CCDC60: variants seen among roughly 807,000 people sequenced by gnomAD.
The protein encoded by CCDC60 is coiled-coil domain-containing protein 60.
CCDC60 carries 54 observed loss-of-function variants against 63.5 expected under a neutral mutation model. That is an observed-to-expected ratio of 0.85 (90% CI 0.68 to 1.07). The LOEUF (loss-of-function observed/expected upper bound fraction) is 1.07. Among genes scored for constraint, CCDC60 ranks in the 50% least tolerant of loss-of-function variants. CCDC60 has a pLI of 0.00. For synonymous variants in CCDC60, 206 were observed against 238.8 expected, an observed-to-expected ratio of 0.86 and a Z score of 1.27; for missense variants, 651 against 684.3, an observed-to-expected ratio of 0.95 and a Z score of 0.54.
intron 9 of CCDC60, 30 bp downstream of exon 9, chr12:119,520,222 C>G: frequency 1.3e-6 from 2 of 1,593,380 alleles, no homozygotes; most frequent in Non-Finnish European, 1.7e-6. Context: ...GCAGCAGGTG[C>G]CTCCGAAGGC....
chr12:119,539,937 G>T (rs1425696240), intron 13 of CCDC60, among the ~76,000 whole-genome samples: 2 of 152,164 alleles, frequency 1.3e-5, no homozygotes, highest in Admixed American at 1.3e-4. Flanking sequence ...CTAGGGGAGA[G>T]AATTATCTGA....
chr12:119,338,358 A>T (rs1342532765), intron 1 of CCDC60, among the ~76,000 whole-genome samples: 2 of 152,174 alleles, frequency 1.3e-5, no homozygotes, highest in East Asian at 3.9e-4. Context: ...TTGAGTATGC[A>T]TGCATCATGT....
intron 1 of CCDC60, among the ~76,000 whole-genome samples, chr12:119,351,221 T>A (rs1039196059): frequency 7.2e-5 from 11 of 152,150 alleles, no homozygotes; most frequent in African/African-American, 2.7e-4. Context: ...CCCTTTCCAC[T>A]CTCTAGTTTT....
rs374779686 is a variant in CCDC60, at chr12:119,374,643, G to A, written c.90+39377G>A. Reference sequence around the variant, plus strand: ...GTAAAGTGAAACCAAGTTTATTAGAGAAGTAAAGAAACAAAAGAATGGCTA... The same window carrying A: ...GTAAAGTGAAACCAAGTTTATTAGAAAAGTAAAGAAACAAAAGAATGGCTA... On this transcript the variant is annotated intron_variant, in intron 1 of 13. Coordinates refer to ENST00000327554, the MANE Select transcript of CCDC60 (RefSeq NM_178499.5). 4.4e-4 allele frequency among the ~76,000 whole-genome samples: 67 copies of A among 152,164 alleles called. No homozygotes were observed. In the East Asian group the frequency reaches 8.9e-3, roughly 20 times the overall value.
intron 6 of CCDC60, among the ~76,000 whole-genome samples, chr12:119,504,350 CTG>C (rs1213799935): frequency 2.6e-5 from 4 of 152,134 alleles, no homozygotes; most frequent in Non-Finnish European, 1.5e-5. Context: ...CACAGACAGT[CTG>C]TGTGTACTCT....
intron 2 of CCDC60, among the ~76,000 whole-genome samples, chr12:119,450,852 A>T (rs1057016256): frequency 9.3e-5 from 10 of 106,992 alleles, no homozygotes; most frequent in African/African-American, 2.8e-4. Flanking sequence ...GCAAGACTCC[A>T]TCTCAAAAAA....
chr12:119,451,416 C>A (rs1388874255), intron 2 of CCDC60, among the ~76,000 whole-genome samples: 1 of 151,174 alleles, frequency 6.6e-6, no homozygotes, highest in Non-Finnish European at 1.5e-5. Context: ...AACCCCTGCA[C>A]CATTATTGTC....
intron 2 of CCDC60, among the ~76,000 whole-genome samples, chr12:119,466,085 A>G (rs1275209891): frequency 6.6e-6 from 1 of 152,184 alleles, no homozygotes; most frequent in African/African-American, 2.4e-5. Context: ...TCTTCCCCCA[A>G]CAAGTATCTG....
chr12:119,403,508 G>A (rs1956432010), intron 1 of CCDC60, among the ~76,000 whole-genome samples: 1 of 152,108 alleles, frequency 6.6e-6, no homozygotes, highest in Admixed American at 6.5e-5. Flanking sequence ...CATAACATTG[G>A]GCTTTAATCA....
At chr12:119,407,766 G>C (rs994545158) in intron 1 of CCDC60, among the ~76,000 whole-genome samples, 4 of 151,934 alleles carry the variant, frequency 2.6e-5, no homozygotes, top group Non-Finnish European at 1.5e-5. Context: ...CCATAAAATG[G>C]GCACTCCAGA....
At chr12:119,527,664 TTC>T (rs1260801491) in intron 11 of CCDC60, among the ~76,000 whole-genome samples, 17 of 116,824 alleles carry the variant, frequency 1.5e-4, no homozygotes, top group Middle Eastern at 3.9e-3. Flanking sequence ...CTTTCTTTCT[TTC>T]TTTTTTTTTT....
intron 1 of CCDC60, among the ~76,000 whole-genome samples, chr12:119,407,093 G>T (rs78284796): frequency 4.6e-5 from 7 of 152,158 alleles, no homozygotes; most frequent in Admixed American, 4.6e-4. Flanking sequence ...AGGGCCATAG[G>T]GGGGTATATT....
rs942070538 is a variant in CCDC60, at chr12:119,420,682, A to T, written c.91-8001A>T. 6.6e-6 allele frequency among the ~76,000 whole-genome samples: 1 copy of T among 152,198 alleles called. No individual in the cohort carries two copies. Among genetic ancestry groups the T allele is most frequent in the Non-Finnish European group, 1.5e-5 (1 of 68,038 alleles). ...CACAACAGGTTGACTATAGTCAATAATAACTCACTTTTTAAATGACTAAGA... is the reference window on the plus strand; with the variant it reads ...CACAACAGGTTGACTATAGTCAATATTAACTCACTTTTTAAATGACTAAGA... On this transcript the variant is annotated intron_variant, in intron 1 of 13. Coordinates refer to ENST00000327554, the MANE Select transcript of CCDC60 (RefSeq NM_178499.5). The surrounding 1 kb of genome is among the most constrained non-coding windows in gnomAD (Gnocchi z 4.1).
chr12:119,344,836 T>TTCTCTC lies in CCDC60; in HGVS notation c.90+9585_90+9590dup, dbSNP rs796680771. ...GAACATTCTCTCTCTCTCTCTCTCT[T>TTCTCTC]TCTCTCTCTCTCTCTCTCTCACACA... On this transcript the variant is annotated intron_variant, in intron 1 of 13. Coordinates refer to ENST00000327554, the MANE Select transcript of CCDC60 (RefSeq NM_178499.5). Among the ~76,000 whole-genome samples the TTCTCTC allele has an allele frequency of 3.3e-3, 351 of 107,914 alleles. 1 individual carries two copies. Among genetic ancestry groups the TTCTCTC allele is most frequent in the African/African-American group, 0.012 (328 of 28,290 alleles). 70.8% of individuals were successfully genotyped at this position (107,914 alleles called of 152,430 possible).
chr12:119,396,880 AG>A (rs1956265176), intron 1 of CCDC60, among the ~76,000 whole-genome samples: 1 of 152,214 alleles, frequency 6.6e-6, no homozygotes, highest in Non-Finnish European at 1.5e-5. Flanking sequence ...GCTGACTTCA[AG>A]AATGAAGTCA....
chr12:119,431,689 T>TTTG (rs1950231562), intron 2 of CCDC60, among the ~76,000 whole-genome samples: 1 of 145,018 alleles, frequency 6.9e-6, no homozygotes, highest in African/African-American at 2.5e-5. Flanking sequence ...TTGTTTGTTT[T>TTTG]TTGTTTTGAG....
At chr12:119,474,295 C>T (rs1445591313) in intron 3 of CCDC60, among the ~76,000 whole-genome samples, 1 of 152,238 alleles carries the variant, frequency 6.6e-6, no homozygotes, top group Non-Finnish European at 1.5e-5. Context: ...GGAATCCAAA[C>T]TGCCAGGTCA....
intron 5 of CCDC60, among the ~76,000 whole-genome samples, chr12:119,499,216 T>G (rs185797311): frequency 7.7e-4 from 117 of 152,292 alleles, no homozygotes; most frequent in African/African-American, 2.7e-3. Context: ...GAATTATGGG[T>G]GTGTCACCAA....
intron 11 of CCDC60, chr12:119,524,404 A>G (rs1952622343): frequency 1.0e-6 from 1 of 981,752 alleles, no homozygotes; most frequent in Admixed American, 6.2e-5. Flanking sequence ...TTACTCCTTG[A>G]CTCCAGAGAC....
Sources: allele counts gnomAD v4.1 joint callset (sites outside exome capture counted in the v4.1 genomes callset), GRCh38; gene constraint gnomAD v4.1.1; non-coding constraint Gnocchi (gnomAD v3.1); transcripts MANE v1.5; gene names NCBI Gene and HGNC (gene_info 2026-07-23, HGNC 2026-07-21).